Variants in ADAMTSL1 observed in about 807,000 individuals in gnomAD.
The protein encoded by ADAMTSL1 is ADAMTS like 1, also known as ADAMTS-like protein 1.
ADAMTSL1 carries 126 observed loss-of-function variants against 201.8 expected under a neutral mutation model. That is an observed-to-expected ratio of 0.62 (90% CI 0.54 to 0.72). The LOEUF (loss-of-function observed/expected upper bound fraction) is 0.72. ADAMTSL1 is among the 30% of genes least tolerant of loss of function. The probability of loss-of-function intolerance (pLI) is 0.00; values close to 1 mark genes in which losing one functional copy is unlikely to be tolerated. For synonymous variants in ADAMTSL1, 1,121 were observed against 903.4 expected (o/e 1.24, Z -4.32); for missense variants, 2,679 against 2,277.8 (o/e 1.18, Z -3.59).
chr9:17,939,785 T>C (rs1827161075), intron 1 of ADAMTSL1, among the ~76,000 whole-genome samples: 2 of 152,168 alleles, frequency 1.3e-5, no homozygotes, highest in African/African-American at 4.8e-5. Flanking sequence ...TCTTGCAAAG[T>C]ACATAATCTG....
At chr9:18,142,682 T>C (rs1826452818) in intron 1 of ADAMTSL1, among the ~76,000 whole-genome samples, 1 of 152,198 alleles carries the variant, frequency 6.6e-6, no homozygotes. Flanking sequence ...TGCATTTATC[T>C]ATCACAGTAT....
At chr9:18,744,351 A>G (rs757891635) in intron 15 of ADAMTSL1, among the ~76,000 whole-genome samples, 1 of 152,236 alleles carries the variant, frequency 6.6e-6, no homozygotes, top group Non-Finnish European at 1.5e-5. Context: ...TGGATCTGTC[A>G]CAATGCTTAG....
chr9:18,732,842 C>T (rs924719225), intron 15 of ADAMTSL1, among the ~76,000 whole-genome samples: 2 of 152,188 alleles, frequency 1.3e-5, no homozygotes, highest in Non-Finnish European at 2.9e-5. Context: ...GGTATGGCTT[C>T]CCTAATAGCT....
intron 1 of ADAMTSL1, among the ~76,000 whole-genome samples, chr9:18,016,472 A>G (rs1358861425): frequency 1.3e-5 from 2 of 151,936 alleles, no homozygotes; most frequent in Non-Finnish European, 2.9e-5. Flanking sequence ...GAAGCACAGA[A>G]CAGAGTCCTG....
chr9:18,717,861 C>A, intron 14 of ADAMTSL1: 1 of 768,966 alleles, frequency 1.3e-6, no homozygotes, highest in Non-Finnish European at 2.3e-6. Flanking sequence ...GGTACCACCA[C>A]AGGAAAGTCC....
intron 2 of ADAMTSL1, among the ~76,000 whole-genome samples, chr9:18,166,042 A>G (rs184994736): frequency 1.1e-3 from 160 of 152,056 alleles, no homozygotes; most frequent in African/African-American, 3.6e-3. Context: ...GGTCACAAGA[A>G]TCACTTGACA....
chr9:18,291,093 C>G (rs946151111), intron 2 of ADAMTSL1, among the ~76,000 whole-genome samples: 1 of 152,036 alleles, frequency 6.6e-6, no homozygotes, highest in Non-Finnish European at 1.5e-5. Context: ...CTAAAGCTGA[C>G]TTATGAATTG....
At chr9:18,136,987 G>A (rs1324722761) in intron 1 of ADAMTSL1, among the ~76,000 whole-genome samples, 1 of 152,158 alleles carries the variant, frequency 6.6e-6, no homozygotes. Flanking sequence ...CTGAGGCAGG[G>A]TGTCTGAGTA....
intron 1 of ADAMTSL1, among the ~76,000 whole-genome samples, chr9:18,056,231 GAAAGAC>G (rs1426459169): frequency 1.3e-5 from 2 of 151,290 alleles, no homozygotes; most frequent in African/African-American, 4.9e-5. Context: ...GGAAGAAAGA[GAAAGAC>G]AAAGCAATTT....
chr9:18,193,642 A>G (rs1206819399), intron 2 of ADAMTSL1, among the ~76,000 whole-genome samples: 1 of 152,180 alleles, frequency 6.6e-6, no homozygotes, highest in Non-Finnish European at 1.5e-5. Context: ...AATGGAAGGA[A>G]AAATAGAACT....
rs1321600562 is a variant in ADAMTSL1 at position 18,905,900 on chromosome 9, A to G, written c.4961+9A>G. The stretch of plus-strand genomic sequence containing the variant: ...TGCAGTGCTCTTCCGAGGTAAGAGA[A>G]AGCCCTGAATCTCCTTTTCCCAGCC... On this transcript the variant is annotated intron_variant, in intron 27 of 28. Coordinates refer to ENST00000380548, the MANE Select transcript of ADAMTSL1 (RefSeq NM_001040272.6). The G allele has an allele frequency of 1.3e-6, 2 of 1,596,274 alleles. No homozygotes were observed. The highest frequency in any genetic ancestry group is 8.6e-7 in the Non-Finnish European group (1 of 1,168,370).
chr9:18,121,920 T>C (rs1324435291), intron 1 of ADAMTSL1, among the ~76,000 whole-genome samples: 1 of 152,156 alleles, frequency 6.6e-6, no homozygotes, highest in Non-Finnish European at 1.5e-5. Flanking sequence ...CAATTTCCCA[T>C]GTCCTCCTCT....
chr9:18,452,204 C>T (rs974288792), intron 2 of ADAMTSL1, among the ~76,000 whole-genome samples: 5 of 152,266 alleles, frequency 3.3e-5, no homozygotes, highest in African/African-American at 1.2e-4. Context: ...TGAGCCACCG[C>T]ACCCTGCCCC....
chr9:18,793,486 A>C (rs1403550354), intron 19 of ADAMTSL1, among the ~76,000 whole-genome samples: 1 of 152,130 alleles, frequency 6.6e-6, no homozygotes, highest in African/African-American at 2.4e-5. Flanking sequence ...GCTTAATCTT[A>C]CCACAGAGTC....
intron 2 of ADAMTSL1, among the ~76,000 whole-genome samples, chr9:18,174,361 G>C (rs1270317786): frequency 6.6e-6 from 1 of 152,134 alleles, no homozygotes; most frequent in Non-Finnish European, 1.5e-5. Context: ...TTGAAAAGGA[G>C]TGGTTGGGGA....
intron 3 of ADAMTSL1, among the ~76,000 whole-genome samples, chr9:18,543,804 G>C (rs1334041820): frequency 6.6e-6 from 1 of 152,164 alleles, no homozygotes; most frequent in Non-Finnish European, 1.5e-5. Context: ...AGTTCACTGG[G>C]TGCCCCCCAG....
At chr9:18,127,814 A>G (rs1196160942) in intron 1 of ADAMTSL1, among the ~76,000 whole-genome samples, 1 of 152,180 alleles carries the variant, frequency 6.6e-6, no homozygotes, top group East Asian at 1.9e-4. Flanking sequence ...AGTATTGTTT[A>G]AAGCAAAGAC....
At chr9:18,007,330 A>G (rs1467918685) in intron 1 of ADAMTSL1, among the ~76,000 whole-genome samples, 1 of 151,970 alleles carries the variant, frequency 6.6e-6, no homozygotes, top group East Asian at 1.9e-4. Context: ...GCTTCTTGAT[A>G]TTTGCTTATG....
At chr9:17,967,030 A>C (rs2131414528) in intron 1 of ADAMTSL1, among the ~76,000 whole-genome samples, 1 of 152,240 alleles carries the variant, frequency 6.6e-6, no homozygotes, top group South Asian at 2.1e-4. Flanking sequence ...ATTCAGGTTG[A>C]CTGAAATCAG....
Sources: allele counts gnomAD v4.1 joint callset (sites outside exome capture counted in the v4.1 genomes callset), GRCh38; gene constraint gnomAD v4.1.1; transcripts MANE v1.5; gene names NCBI Gene and HGNC (gene_info 2026-07-23, HGNC 2026-07-21).